MYO16: variants seen among roughly 807,000 people sequenced by gnomAD.
MYO16 encodes the protein myosin XVI.
MYO16 carries 94 observed loss-of-function variants against 205.3 expected under a neutral mutation model. The observed-to-expected ratio is 0.46, with a 90% CI of 0.39 to 0.54. The LOEUF (loss-of-function observed/expected upper bound fraction) is 0.54. Ranked by LOEUF, MYO16 falls within the 20% of genes least tolerant of loss-of-function variation. The pLI, the probability that MYO16 is intolerant of heterozygous loss-of-function variation, is 0.00. For synonymous variants in MYO16, 988 were observed against 954.0 expected (o/e 1.04, Z -0.66); for missense variants, 2,315 against 2,387.5 (o/e 0.97, Z 0.63).
intron 1 of MYO16, among the ~76,000 whole-genome samples, chr13:108,643,579 C>A (rs1335926503): frequency 6.6e-6 from 1 of 152,176 alleles, no homozygotes; most frequent in African/African-American, 2.4e-5. Flanking sequence ...GGCTTTCATT[C>A]TTCAGCATGA....
At chr13:109,078,634 G>A (rs1888189955) in intron 27 of MYO16, among the ~76,000 whole-genome samples, 1 of 152,078 alleles carries the variant, frequency 6.6e-6, no homozygotes, top group Non-Finnish European at 1.5e-5. Context: ...GTCCAGTGAT[G>A]TACATTTTTA....
intron 20 of MYO16, among the ~76,000 whole-genome samples, chr13:108,988,999 C>T (rs1202791597): frequency 6.6e-6 from 1 of 152,142 alleles, no homozygotes; most frequent in Non-Finnish European, 1.5e-5. Flanking sequence ...CTAGTATCCC[C>T]TCTCTGCCCT....
At chr13:108,828,184 TG>T (rs1331876411) in intron 9 of MYO16, among the ~76,000 whole-genome samples, 3 of 152,186 alleles carry the variant, frequency 2.0e-5, no homozygotes, top group Admixed American at 6.5e-5. Flanking sequence ...TTCAAGAACA[TG>T]ACTCATGCCA....
chr13:109,164,558 A>G (rs1878548901), intron 32 of MYO16, among the ~76,000 whole-genome samples: 1 of 152,212 alleles, frequency 6.6e-6, no homozygotes, highest in East Asian at 1.9e-4. Flanking sequence ...AATTTATTTA[A>G]ATGTAATCAT....
chr13:108,571,625 G>A, the MYO16 span, among the ~76,000 whole-genome samples: 1 of 152,148 alleles, frequency 6.6e-6, no homozygotes, highest in Non-Finnish European at 1.5e-5. Flanking sequence ...TGAGCAGGAG[G>A]TCTGCAGGTC....
At chr13:108,671,988 A>T (rs183192713) in intron 2 of MYO16, among the ~76,000 whole-genome samples, 11 of 152,264 alleles carry the variant, frequency 7.2e-5, no homozygotes, top group African/African-American at 2.6e-4. Context: ...GGGCATATTT[A>T]TTTGGTACTT....
intron 12 of MYO16, among the ~76,000 whole-genome samples, chr13:108,876,209 T>A (rs980893682): frequency 6.6e-6 from 1 of 152,130 alleles, no homozygotes; most frequent in Non-Finnish European, 1.5e-5. Flanking sequence ...TAATTAAAAA[T>A]GAAAAAAGTT....
At chr13:108,844,236 T>C (rs1877394280) in intron 9 of MYO16, 107 bp from the exon 10 acceptor site, 2 of 812,420 alleles carry the variant, frequency 2.5e-6, no homozygotes, top group Non-Finnish European at 1.7e-6. Flanking sequence ...AAATATTTCT[T>C]ATCTGAATAA....
At chr13:108,920,817 G>T (rs568567386) in intron 16 of MYO16, among the ~76,000 whole-genome samples, 2 of 152,104 alleles carry the variant, frequency 1.3e-5, no homozygotes, top group East Asian at 1.9e-4. Flanking sequence ...ATTTATTTTC[G>T]TATCTTAAAT....
rs543358129 is a variant in MYO16 at position 109,160,354 on chromosome 13, A to G, written c.5165-4547A>G. On this transcript the variant is annotated intron_variant, in intron 32 of 34. Coordinates refer to ENST00000457511, the MANE Select transcript of MYO16 (RefSeq NM_001198950.3). ...TAAAATTCACCTTAAATGTACCTAC[A>G]CTGCAAACTTGTAATTAATAATCAT... 9.8e-5 allele frequency among the ~76,000 whole-genome samples: 15 copies of G among 152,354 alleles called. No homozygotes were observed. In the South Asian group the frequency reaches 3.1e-3, roughly 32 times the overall value.
intron 4 of MYO16, among the ~76,000 whole-genome samples, chr13:108,761,544 T>C (rs1477938945): frequency 1.4e-4 from 21 of 152,230 alleles, no homozygotes; most frequent in Admixed American, 1.4e-3. Context: ...TTGGAGACTT[T>C]CAATCTGAGA....
intron 6 of MYO16, among the ~76,000 whole-genome samples, chr13:108,801,299 G>A (rs1886962386): frequency 6.6e-6 from 1 of 152,180 alleles, no homozygotes; most frequent in Non-Finnish European, 1.5e-5. Context: ...ATAAATAATA[G>A]TGAAGATCAG....
intron 8 of MYO16, among the ~76,000 whole-genome samples, 199 bp downstream of exon 8, chr13:108,820,611 A>G (rs1875916438): frequency 1.3e-5 from 2 of 152,098 alleles, no homozygotes; most frequent in Non-Finnish European, 2.9e-5. Flanking sequence ...CCTCCATTGC[A>G]AGAGGCTATT....
At chr13:108,907,096 G>A (rs1881019849) in intron 15 of MYO16, among the ~76,000 whole-genome samples, 1 of 152,176 alleles carries the variant, frequency 6.6e-6, no homozygotes, top group Non-Finnish European at 1.5e-5. Context: ...CTAGATGGGT[G>A]AGACATGGTG....
chr13:109,196,583 A>G (rs1005982617), intron 34 of MYO16, among the ~76,000 whole-genome samples: 2 of 152,214 alleles, frequency 1.3e-5, no homozygotes, highest in Non-Finnish European at 2.9e-5. Flanking sequence ...AAGAGCAGAA[A>G]GAACATAGGG....
At chr13:109,007,702 T>G (rs867052931) in intron 21 of MYO16, among the ~76,000 whole-genome samples, 30 of 145,730 alleles carry the variant, frequency 2.1e-4, no homozygotes, top group African/African-American at 5.9e-4. Context: ...TAAATAAAGG[T>G]TTTTCTTTAA....
chr13:108,985,148 G>A (rs1303647774), intron 20 of MYO16, among the ~76,000 whole-genome samples: 2 of 152,126 alleles, frequency 1.3e-5, no homozygotes, highest in African/African-American at 2.4e-5. Context: ...TTATTGTATG[G>A]GATGCAGAAT....
chr13:108,973,727 A>G (rs1464910509), intron 20 of MYO16, among the ~76,000 whole-genome samples: 1 of 152,198 alleles, frequency 6.6e-6, no homozygotes, highest in Non-Finnish European at 1.5e-5. Flanking sequence ...AGGTGAGTAC[A>G]TTCATCCCTA....
chr13:108,724,006 T>C (rs914145046), intron 3 of MYO16, among the ~76,000 whole-genome samples: 1 of 152,190 alleles, frequency 6.6e-6, no homozygotes, highest in African/African-American at 2.4e-5. Context: ...ACTAACGTTT[T>C]GTTGATTTTG....
Sources: gnomAD v4.1 joint callset for allele counts (sites outside exome capture counted in the v4.1 genomes callset) on GRCh38, gnomAD v4.1.1 for gene constraint, MANE v1.5 for transcripts, NCBI Gene and HGNC (gene_info 2026-07-23, HGNC 2026-07-21) for gene names.